Variants in CADM2 observed in about 807,000 individuals in gnomAD.
CADM2 encodes the protein cell adhesion molecule 2.
In CADM2, 12 loss-of-function variants were observed where a neutral mutation model predicts 49.8. That is an observed-to-expected ratio of 0.24 (90% confidence interval 0.15 to 0.39). The LOEUF is 0.39. CADM2 is among the 10% of genes least tolerant of loss of function. The pLI, the probability that CADM2 is intolerant of heterozygous loss-of-function variation, is 1.00. For synonymous variants in CADM2, 214 were observed against 175.4 expected, an observed-to-expected ratio of 1.22 and a Z score of -1.74; for missense variants, 378 against 492.3, an observed-to-expected ratio of 0.77 and a Z score of 2.20.
At chr3:85,413,138 C>CAAAAAAAAA (rs397973777) in intron 1 of CADM2, among the ~76,000 whole-genome samples, 34 of 17,094 alleles carry the variant, frequency 2.0e-3, no homozygotes, top group African/African-American at 5.6e-3. Flanking sequence ...GACTCCGTCT[C>CAAAAAAAAA]AAAAAAAAAA....
chr3:85,606,271 C>A (rs1329037715), intron 1 of CADM2, among the ~76,000 whole-genome samples: 1 of 151,906 alleles, frequency 6.6e-6, no homozygotes, highest in African/African-American at 2.4e-5. Flanking sequence ...ATTTAAAAGT[C>A]TCCTTTCAAT....
At chr3:85,835,804 A>T (rs904479990) in intron 3 of CADM2, among the ~76,000 whole-genome samples, 2 of 149,162 alleles carry the variant, frequency 1.3e-5, no homozygotes, top group East Asian at 3.9e-4. Context: ...CAGACTCAGT[A>T]TAGACTGATT....
chr3:85,673,042 T>C (rs184137215), intron 1 of CADM2, among the ~76,000 whole-genome samples: 3 of 152,330 alleles, frequency 2.0e-5, no homozygotes, highest in Admixed American at 2.0e-4. Context: ...GGGTCAGGCT[T>C]GCTGGGACTA....
At chr3:85,937,793 G>T (rs569457056) in intron 7 of CADM2, among the ~76,000 whole-genome samples, 1 of 151,752 alleles carries the variant, frequency 6.6e-6, no homozygotes. Context: ...GTCGTTTCTG[G>T]CATGAGTTCT....
At chr3:85,650,482 A>G (rs972031741) in intron 1 of CADM2, among the ~76,000 whole-genome samples, 4 of 149,510 alleles carry the variant, frequency 2.7e-5, no homozygotes, top group East Asian at 2.0e-4. Flanking sequence ...GTGTTTGTAT[A>G]CAGATATTAT....
At chr3:86,012,576 G>A (rs1394762871) in intron 8 of CADM2, 4 of 1,551,788 alleles carry the variant, frequency 2.6e-6, no homozygotes, top group African/African-American at 2.8e-5. Context: ...GAACTTCTGC[G>A]CTGCCCCCAA....
intron 1 of CADM2, among the ~76,000 whole-genome samples, chr3:85,693,936 G>T (rs994843093): frequency 6.1e-5 from 9 of 148,060 alleles, no homozygotes; most frequent in South Asian, 2.2e-4. Context: ...GAAAAGAAAA[G>T]AAAAATCAGA....
intron 1 of CADM2, among the ~76,000 whole-genome samples, chr3:85,013,768 GTA>G (rs377163369): frequency 4.8e-5 from 7 of 146,820 alleles, no homozygotes; most frequent in African/African-American, 1.0e-4. Flanking sequence ...CCAAAAATAA[GTA>G]TATATATATA....
chr3:85,093,363 T>C (rs1298266820), intron 1 of CADM2, among the ~76,000 whole-genome samples: 1 of 151,756 alleles, frequency 6.6e-6, no homozygotes, highest in East Asian at 1.9e-4. Context: ...CTACAAAAAT[T>C]AGCTCGGCGT....
chr3:85,223,197 T>G (rs763852839), intron 1 of CADM2, among the ~76,000 whole-genome samples: 197 of 152,156 alleles, frequency 1.3e-3, no homozygotes, highest in Non-Finnish European at 1.7e-3. Flanking sequence ...CACAAAATCA[T>G]GCAGTTTTTT....
At chr3:85,898,787 T>G (rs1197180707) in intron 5 of CADM2, among the ~76,000 whole-genome samples, 1 of 151,020 alleles carries the variant, frequency 6.6e-6, no homozygotes, top group African/African-American at 2.4e-5. Flanking sequence ...TGGGTACAAT[T>G]TTGTATGGCC....
intron 1 of CADM2, among the ~76,000 whole-genome samples, chr3:85,552,527 C>T (rs2107125992): frequency 6.7e-6 from 1 of 149,548 alleles, no homozygotes; most frequent in Admixed American, 6.7e-5. Flanking sequence ...ACTACAGGCG[C>T]CCGCCACCAT....
intron 6 of CADM2, among the ~76,000 whole-genome samples, chr3:85,916,193 T>C (rs1718288567): frequency 6.6e-6 from 1 of 152,198 alleles, no homozygotes; most frequent in Non-Finnish European, 1.5e-5. Flanking sequence ...TATTATACTT[T>C]AAGTTTTAGG....
At chr3:86,061,390 T>C (rs1738627934) in intron 8 of CADM2, among the ~76,000 whole-genome samples, 2 of 152,036 alleles carry the variant, frequency 1.3e-5, no homozygotes, top group South Asian at 4.1e-4. Context: ...ACATATAAAA[T>C]ATATAGACAA....
intron 1 of CADM2, among the ~76,000 whole-genome samples, chr3:85,368,482 G>A (rs918739891): frequency 3.3e-5 from 5 of 151,102 alleles, no homozygotes; most frequent in African/African-American, 1.2e-4. Context: ...AGGAGATGAT[G>A]AGGTTGATGA....
intron 1 of CADM2, among the ~76,000 whole-genome samples, chr3:85,573,213 A>T (rs2062534954): frequency 2.5e-5 from 1 of 39,800 alleles, no homozygotes; most frequent in Admixed American, 3.6e-4. Context: ...TTATTTACTG[A>T]GGCAAGGTCT....
intron 1 of CADM2, among the ~76,000 whole-genome samples, chr3:85,660,225 T>G (rs1369404672): frequency 1.3e-5 from 2 of 152,124 alleles, no homozygotes; most frequent in African/African-American, 4.8e-5. Flanking sequence ...GTTGAGGTCT[T>G]ACTTCAGTCA....
chr3:85,199,986 T>A (rs892723367), intron 1 of CADM2, among the ~76,000 whole-genome samples: 3 of 152,064 alleles, frequency 2.0e-5, no homozygotes, highest in African/African-American at 7.2e-5. Context: ...TATCAGTGTT[T>A]AGCAAACGCT....
At chr3:85,061,180 T>C (rs1253823816) in intron 1 of CADM2, among the ~76,000 whole-genome samples, 1 of 152,144 alleles carries the variant, frequency 6.6e-6, no homozygotes, top group Non-Finnish European at 1.5e-5. Flanking sequence ...AAACTATGTA[T>C]CTCCAGCATA....
Sources: allele counts gnomAD v4.1 joint callset (sites outside exome capture counted in the v4.1 genomes callset), GRCh38; gene constraint gnomAD v4.1.1; transcripts MANE v1.5; gene names NCBI Gene and HGNC (gene_info 2026-07-23, HGNC 2026-07-21).